The following MAP2 variants were observed in gnomAD, a reference collection of about 807,000 sequenced individuals.
MAP2 encodes microtubule associated protein 2.
MAP2 carries 14 observed loss-of-function variants against 137.6 expected under a neutral mutation model. The ratio of observed to expected loss-of-function variants is 0.10; its 90% confidence interval spans 0.07 to 0.16. The LOEUF is 0.16. Among genes scored for constraint, MAP2 ranks in the 10% least tolerant of loss-of-function variants. The pLI is 1.00. For missense variants in MAP2, 2,088 were observed against 2,191.5 expected, an observed-to-expected ratio of 0.95 and a Z score of 0.94; for synonymous variants, 786 against 782.3, an observed-to-expected ratio of 1.00 and a Z score of -0.08.
intron 2 of MAP2, among the ~76,000 whole-genome samples, chr2:209,563,449 T>G (rs2072655317): frequency 6.7e-6 from 1 of 148,226 alleles, no homozygotes; most frequent in Admixed American, 6.6e-5. Context: ...ATAAAAGATT[T>G]TCATTGTTAT....
chr2:209,604,685 C>G (rs1351409762), intron 3 of MAP2, among the ~76,000 whole-genome samples: 3 of 152,078 alleles, frequency 2.0e-5, no homozygotes, highest in Non-Finnish European at 4.4e-5. Flanking sequence ...CCAAACCCTG[C>G]GCACATGCTT....
At chr2:209,584,550 T>C (rs1405648722) in intron 3 of MAP2, among the ~76,000 whole-genome samples, 2 of 152,136 alleles carry the variant, frequency 1.3e-5, no homozygotes, top group Non-Finnish European at 2.9e-5. Context: ...TTGTTTCTTA[T>C]TCAGTGGGAA....
At chr2:209,558,493 A>G in intron 2 of MAP2, among the ~76,000 whole-genome samples, 1 of 151,898 alleles carries the variant, frequency 6.6e-6, no homozygotes, top group Non-Finnish European at 1.5e-5. Flanking sequence ...CCGGCCACAC[A>G]TTCATTTTTC....
chr2:209,693,500 C>T lies in MAP2; in HGVS notation c.1330C>T (p.Leu444Phe), dbSNP rs1263968622. The change falls in exon 8 of 16, where the codon CTT (leucine) becomes TTT (phenylalanine). Residue 444 changes from leucine (L) to phenylalanine (F), a missense_variant. Leu to Phe is a conservative substitution (Grantham distance 22, BLOSUM62 0). Transcript: ENST00000682079. ...TACTGAAAAGGAAACTGAGCTGAAGCTTGAAGAAAAAACCACCATTTCTGA... is the reference window on the plus strand; with the variant it reads ...TACTGAAAAGGAAACTGAGCTGAAGTTTGAAGAAAAAACCACCATTTCTGA... ...ILTEKETELK[L>F]EEKTTISDKE... The T allele has an allele frequency of 2.5e-6, 4 of 1,611,152 alleles. No homozygotes were observed. The African/African-American group carries it at 4.0e-5, about 16-fold the overall frequency.
At chr2:209,649,454 A>C (rs1339973295) in intron 4 of MAP2, among the ~76,000 whole-genome samples, 1 of 152,170 alleles carries the variant, frequency 6.6e-6, no homozygotes, top group Non-Finnish European at 1.5e-5. Flanking sequence ...GAACAGAGAT[A>C]ATCTATGACC....
At chr2:209,448,617 C>T (rs1699637197) in intron 1 of MAP2, among the ~76,000 whole-genome samples, 1 of 152,110 alleles carries the variant, frequency 6.6e-6, no homozygotes, top group Non-Finnish European at 1.5e-5. Flanking sequence ...GATCCCATTC[C>T]TTGCCTCTTC....
chr2:209,435,999 ATATATACAGTATATAT>A (rs1162521172), intron 1 of MAP2, among the ~76,000 whole-genome samples: 1 of 64,050 alleles, frequency 1.6e-5, no homozygotes, highest in Non-Finnish European at 2.6e-5. Context: ...ATTATATACT[ATATATACAGTATATAT>A]TATATATAAA....
At chr2:209,684,901 C>A (rs2056402549) in intron 7 of MAP2, among the ~76,000 whole-genome samples, 1 of 152,088 alleles carries the variant, frequency 6.6e-6, no homozygotes, top group Non-Finnish European at 1.5e-5. Context: ...TCTCTCAACT[C>A]CAACTTTGAT....
intron 13 of MAP2, among the ~76,000 whole-genome samples, chr2:209,714,279 G>T (rs1369369367): frequency 6.6e-6 from 1 of 152,126 alleles, no homozygotes; most frequent in Non-Finnish European, 1.5e-5. Flanking sequence ...CTAAAGAAGT[G>T]GTTTCACAGA....
chr2:209,675,586 A>G (rs1237863907), intron 5 of MAP2, among the ~76,000 whole-genome samples: 4 of 151,846 alleles, frequency 2.6e-5, no homozygotes, highest in South Asian at 2.1e-4. Context: ...TTTGGGCTAC[A>G]CTTGTATGAA....
At chr2:209,659,512 GA>G (rs2042421088) in intron 5 of MAP2, among the ~76,000 whole-genome samples, 1 of 152,100 alleles carries the variant, frequency 6.6e-6, no homozygotes, top group Non-Finnish European at 1.5e-5. Flanking sequence ...AGCAGTTATC[GA>G]TTACAGGCAA....
chr2:209,592,498 A>G (rs888084523), intron 3 of MAP2, among the ~76,000 whole-genome samples: 1 of 152,146 alleles, frequency 6.6e-6, no homozygotes, highest in Non-Finnish European at 1.5e-5. Context: ...AATAAATCTG[A>G]GTCCTTACTT....
At chr2:209,609,989 A>G (rs1202259036) in intron 3 of MAP2, among the ~76,000 whole-genome samples, 1 of 152,158 alleles carries the variant, frequency 6.6e-6, no homozygotes, top group Non-Finnish European at 1.5e-5. Context: ...AAAAATAATT[A>G]TGGTTCATGT....
intron 3 of MAP2, among the ~76,000 whole-genome samples, chr2:209,598,434 T>C (rs1252467522): frequency 6.6e-6 from 1 of 151,620 alleles, no homozygotes; most frequent in Non-Finnish European, 1.5e-5. Flanking sequence ...TTATTTATTT[T>C]ATTTTTTATT....
intron 2 of MAP2, among the ~76,000 whole-genome samples, chr2:209,575,198 G>T (rs1375361219): frequency 2.0e-5 from 3 of 152,044 alleles, no homozygotes; most frequent in Non-Finnish European, 1.5e-5. Flanking sequence ...TCCTATAATA[G>T]AAATTATAAA....
At chr2:209,515,373 G>A (rs532673974) in intron 2 of MAP2, among the ~76,000 whole-genome samples, 1 of 152,210 alleles carries the variant, frequency 6.6e-6, no homozygotes, top group South Asian at 2.1e-4. Flanking sequence ...CTTTCCTGAA[G>A]TTGGGTAATT....
chr2:209,479,851 G>T (rs906241689), intron 1 of MAP2, among the ~76,000 whole-genome samples: 18 of 152,042 alleles, frequency 1.2e-4, no homozygotes, highest in African/African-American at 4.3e-4. Flanking sequence ...TATAATAGCC[G>T]AACATTTCAA....
chr2:209,693,330 C>G lies in MAP2; in HGVS notation c.1160C>G (p.Ala387Gly), dbSNP rs751665628. The change falls in exon 8 of 16, where the codon GCA (alanine) becomes GGA (glycine). Residue 387 changes from alanine to glycine, a missense_variant. Ala to Gly is a moderately conservative substitution (Grantham distance 60). Transcript: ENST00000682079. ...ATGGCAGAAGCACCACCCTCAGAGGCAATGACCTTACCCAAAGATGCTCAC... is the reference window on the plus strand; with the variant it reads ...ATGGCAGAAGCACCACCCTCAGAGGGAATGACCTTACCCAAAGATGCTCAC... ...DKMAEAPPSE[A>G]MTLPKDAHIP... The G allele has an allele frequency of 6.2e-7, 1 of 1,613,356 alleles. No homozygotes were observed. Among genetic ancestry groups the G allele is most frequent in the African/African-American group, 1.3e-5 (1 of 74,830 alleles).
intron 7 of MAP2, among the ~76,000 whole-genome samples, chr2:209,689,577 A>C (rs2058234414): frequency 6.6e-6 from 1 of 152,160 alleles, no homozygotes; most frequent in African/African-American, 2.4e-5. Flanking sequence ...ATAACTCATG[A>C]ACTTGAAAAG....
Sources: allele counts gnomAD v4.1 joint callset (sites outside exome capture counted in the v4.1 genomes callset), GRCh38; gene constraint gnomAD v4.1.1; transcripts MANE v1.5; gene names NCBI Gene and HGNC (gene_info 2026-07-23, HGNC 2026-07-21).